The following ARHGAP20 variants were observed in gnomAD, a reference collection of about 807,000 sequenced individuals.
ARHGAP20 encodes the protein Rho GTPase activating protein 20.
In ARHGAP20, 34 loss-of-function variants were observed where a neutral mutation model predicts 73.7. That is an observed-to-expected ratio of 0.46 (90% CI 0.35 to 0.61). The LOEUF (loss-of-function observed/expected upper bound fraction) is 0.61, where lower values mean the gene tolerates loss of function less well. Among genes scored for constraint, ARHGAP20 ranks in the 20% least tolerant of loss-of-function variants. ARHGAP20 has a pLI of 0.00. For synonymous variants in ARHGAP20, 523 were observed against 518.2 expected (o/e 1.01, Z -0.13); for missense variants, 1,314 against 1,420.9 (o/e 0.92, Z 1.21).
chr11:110,667,852 C>A (rs953080770), intron 2 of ARHGAP20, among the ~76,000 whole-genome samples: 1 of 152,092 alleles, frequency 6.6e-6, no homozygotes, highest in African/African-American at 2.4e-5. Context: ...GTAGAAACAG[C>A]AAGATAATTA....
At chr11:110,690,767 A>G in intron 1 of ARHGAP20, 138 bp from the exon 2 acceptor site, 1 of 905,920 alleles carries the variant, frequency 1.1e-6, no homozygotes, top group South Asian at 1.6e-5. Flanking sequence ...CATTATGGAG[A>G]TAAAACTGTA....
intron 4 of ARHGAP20, among the ~76,000 whole-genome samples, chr11:110,620,824 C>A (rs938409442): frequency 6.6e-6 from 1 of 152,046 alleles, no homozygotes; most frequent in East Asian, 1.9e-4. Flanking sequence ...GTAATCCCAG[C>A]ACTTTGGGAG....
chr11:110,581,929 A>C (rs1333227022), intron 14 of ARHGAP20, among the ~76,000 whole-genome samples: 37 of 109,900 alleles, frequency 3.4e-4, no homozygotes, highest in Admixed American at 2.9e-3. Flanking sequence ...GAAGGAGAGG[A>C]CAAAAAAAAA....
At chr11:110,658,480 A>C (rs768252383) in intron 2 of ARHGAP20, among the ~76,000 whole-genome samples, 27 of 152,190 alleles carry the variant, frequency 1.8e-4, no homozygotes, top group Non-Finnish European at 3.4e-4. Context: ...TATATTTAAA[A>C]GTAGCTACGA....
chr11:110,688,185 A>G (rs1048636810), intron 2 of ARHGAP20, among the ~76,000 whole-genome samples: 1 of 152,136 alleles, frequency 6.6e-6, no homozygotes, highest in South Asian at 2.1e-4. Flanking sequence ...CATGATGCCT[A>G]GTATCCCTGG....
chr11:110,659,830 C>T (rs925125960), intron 2 of ARHGAP20, among the ~76,000 whole-genome samples: 6 of 151,614 alleles, frequency 4.0e-5, no homozygotes, highest in South Asian at 2.1e-4. Context: ...CGCATATTCT[C>T]ACTCATCGGT....
chr11:110,611,467 A>C, intron 6 of ARHGAP20, 81 bp from the exon 7 acceptor site: 1 of 683,628 alleles, frequency 1.5e-6, no homozygotes. Flanking sequence ...TCAAATGATT[A>C]TCGAAAGGCA....
At chr11:110,650,805 C>A (rs976632038) in intron 2 of ARHGAP20, among the ~76,000 whole-genome samples, 3 of 152,106 alleles carry the variant, frequency 2.0e-5, no homozygotes, top group African/African-American at 7.2e-5. Flanking sequence ...CTTGCCCATG[C>A]TAACAGACTC....
intron 6 of ARHGAP20, 145 bp downstream of exon 6, chr11:110,614,416 T>G: frequency 4.6e-6 from 3 of 648,508 alleles, no homozygotes; most frequent in Non-Finnish European, 8.0e-6. Context: ...AAATGCATTT[T>G]CCCCCTGTGG....
intron 11 of ARHGAP20, among the ~76,000 whole-genome samples, chr11:110,586,991 C>CTTT (rs1392993014): frequency 1.3e-5 from 2 of 152,136 alleles, no homozygotes. Flanking sequence ...CTGATGTATG[C>CTTT]TAAATAACAT....
chr11:110,580,198 G>C lies in ARHGAP20; in HGVS notation c.2748C>G (p.Asn916Lys), dbSNP rs918326975. ...GIEVGKSSAT[N>K]QNTEKVLPPR... is the part of the protein sequence containing the mutation. ...GGGGTAAAACCTTCTCAGTGTTTTG[G>C]TTTGTGGCACTACTCTTGCCCACCT... The change falls in exon 15 of 15, where the codon AAC becomes AAG. Residue 916 changes from asparagine (N) to lysine (K), a missense_variant. By Grantham distance (94) the Asn-to-Lys change is moderately conservative. Coordinates refer to ENST00000683387, the MANE Select transcript of ARHGAP20 (RefSeq NM_001384657.1). 6.2e-7 allele frequency: 1 copy of C among 1,614,076 alleles called. No individual in the cohort carries two copies. Among genetic ancestry groups the C allele is most frequent in the Non-Finnish European group, 8.5e-7 (1 of 1,180,036 alleles).
rs1950686333 is a variant in ARHGAP20 at position 110,712,369 on chromosome 11, C to T, written c.-138G>A. 2 of 562,800 alleles carry T rather than the reference C, an allele frequency of 3.6e-6. No homozygotes were observed. Among genetic ancestry groups the T allele is most frequent in the Admixed American group, 4.7e-5 (1 of 21,470 alleles). 34.9% of individuals were successfully genotyped at this position (562,800 alleles called of 1,614,324 possible). On this transcript the variant is annotated 5_prime_UTR_variant, in exon 1 of 15. Transcript: ENST00000683387. Reference sequence around the variant, plus strand: ...GGCAGGGAGCCGAGCTCCGGGTGCTCGCCGCGCGCCTCCCGTCGGGGCCAT... The same window carrying T: ...GGCAGGGAGCCGAGCTCCGGGTGCTTGCCGCGCGCCTCCCGTCGGGGCCAT...
At chr11:110,648,323 T>C (rs1949270536) in intron 2 of ARHGAP20, among the ~76,000 whole-genome samples, 1 of 127,332 alleles carries the variant, frequency 7.9e-6, no homozygotes, top group South Asian at 2.5e-4. Context: ...TATGTCTATA[T>C]GCATATGTGT....
chr11:110,607,075 T>C (rs11213500), intron 8 of ARHGAP20, among the ~76,000 whole-genome samples: 16,292 of 152,180 alleles, frequency 0.11, 1,071 homozygotes, highest in African/African-American at 0.18. Context: ...AAAGGTATTC[T>C]ATTGTCTCCT....
rs1947327857 is a variant in ARHGAP20 at position 110,577,808 on chromosome 11, T to C, written c.*1562A>G. 2.0e-6 allele frequency: 2 copies of C among 985,784 alleles called. No homozygotes were observed. The highest frequency in any genetic ancestry group is 2.4e-6 in the Non-Finnish European group (2 of 829,854). 61.1% of individuals were successfully genotyped at this position (985,784 alleles called of 1,614,324 possible). ...GGTAGGTAGCACCTATAGCTAATAC[T>C]GAAATAACTTCTTCTATCTTAGAGA... On this transcript the variant is annotated 3_prime_UTR_variant, in exon 15 of 15. Coordinates refer to ENST00000683387, the MANE Select transcript of ARHGAP20 (RefSeq NM_001384657.1).
At chr11:110,669,157 G>T (rs558901643) in intron 2 of ARHGAP20, among the ~76,000 whole-genome samples, 1 of 152,204 alleles carries the variant, frequency 6.6e-6, no homozygotes, top group South Asian at 2.1e-4. Flanking sequence ...GAAAAACATT[G>T]TTATGAGAGA....
chr11:110,648,222 TATATATATATATATGTAA>T (rs1565457500), intron 2 of ARHGAP20, among the ~76,000 whole-genome samples: 22 of 27,724 alleles, frequency 7.9e-4, no homozygotes, highest in African/African-American at 5.4e-3. Context: ...TATATATATG[TATATATATATATATGTAA>T]ATATATATAT....
intron 2 of ARHGAP20, among the ~76,000 whole-genome samples, chr11:110,631,430 G>T (rs1031093088): frequency 6.6e-6 from 1 of 152,154 alleles, no homozygotes; most frequent in Non-Finnish European, 1.5e-5. Context: ...AGACCTGTCA[G>T]TTCAAAACCT....
chr11:110,664,323 G>A (rs1443080774), intron 2 of ARHGAP20, among the ~76,000 whole-genome samples: 1 of 152,138 alleles, frequency 6.6e-6, no homozygotes, highest in East Asian at 1.9e-4. Context: ...TAACAAGTGA[G>A]TTTAGGAAGG....
Sources: allele counts gnomAD v4.1 joint callset (sites outside exome capture counted in the v4.1 genomes callset), GRCh38; gene constraint gnomAD v4.1.1; transcripts MANE v1.5; gene names NCBI Gene and HGNC (gene_info 2026-07-23, HGNC 2026-07-21).